The following PDK3 variants were observed in gnomAD, a reference collection of about 807,000 sequenced individuals.
The protein encoded by PDK3 is pyruvate dehydrogenase kinase, isozyme 3.
In PDK3, 12 loss-of-function variants were observed where a neutral mutation model predicts 32.0. That is an observed-to-expected ratio of 0.37 (90% CI 0.24 to 0.61). The LOEUF (loss-of-function observed/expected upper bound fraction) is 0.61. Ranked by LOEUF, PDK3 falls within the 20% of genes least tolerant of loss-of-function variation. The probability of loss-of-function intolerance (pLI) is 0.65; values close to 1 mark genes in which losing one functional copy is unlikely to be tolerated. For missense variants in PDK3, 188 were observed against 316.9 expected (o/e 0.59, Z 3.09); for synonymous variants, 122 against 116.3 (o/e 1.05, Z -0.31).
chrX:24,522,191 C>T (rs1922414569), intron 6 of PDK3, among the ~76,000 whole-genome samples: 1 of 111,765 alleles, frequency 8.9e-6, no homozygotes, highest in Non-Finnish European at 1.9e-5. Context: ...AAACCTAGGC[C>T]ATTTTTAAAT....
chrX:24,507,786 A>T (rs1309757736), intron 5 of PDK3, among the ~76,000 whole-genome samples: 1 of 110,945 alleles, frequency 9.0e-6, no homozygotes, highest in African/African-American at 3.3e-5. Flanking sequence ...TTTAGGTGTG[A>T]TATTGGTATC....
intron 5 of PDK3, among the ~76,000 whole-genome samples, chrX:24,506,185 A>G (rs1921975197): frequency 1.8e-5 from 2 of 111,892 alleles, no homozygotes; most frequent in Non-Finnish European, 3.8e-5. Context: ...AGCTTAGCCT[A>G]GGATTGTCTG....
intron 2 of PDK3, among the ~76,000 whole-genome samples, chrX:24,496,771 C>CTT (rs376346872): frequency 0.024 from 866 of 35,419 alleles, 217 homozygotes; most frequent in African/African-American, 0.12. Context: ...TCAAAATAAT[C>CTT]TTTTTTTTTT....
chrX:24,518,035 G>T (rs1481348628), intron 5 of PDK3, among the ~76,000 whole-genome samples: 2 of 112,237 alleles, frequency 1.8e-5, no homozygotes, highest in African/African-American at 6.5e-5. Context: ...TAGTCAGGTT[G>T]CATGGTGCTT....
At chrX:24,524,785 G>A (rs956522037) in intron 6 of PDK3, among the ~76,000 whole-genome samples, 2 of 111,916 alleles carry the variant, frequency 1.8e-5, no homozygotes, top group African/African-American at 6.5e-5. Flanking sequence ...GGATAAGATA[G>A]GAAAGGGGGA....
At chrX:24,484,253 A>T (rs1345998748) in intron 1 of PDK3, among the ~76,000 whole-genome samples, 1 of 110,887 alleles carries the variant, frequency 9.0e-6, no homozygotes, top group Non-Finnish European at 1.9e-5. Flanking sequence ...AGCTCAAGTG[A>T]TCCTCCCACC....
intron 5 of PDK3, among the ~76,000 whole-genome samples, chrX:24,517,997 T>C (rs1042572108): frequency 1.8e-5 from 2 of 112,491 alleles, no homozygotes; most frequent in Admixed American, 1.9e-4. Context: ...ATTTTTAAGA[T>C]CATGACAAAT....
At chrX:24,466,307 C>G (rs994394931) in intron 1 of PDK3, among the ~76,000 whole-genome samples, 11 of 112,220 alleles carry the variant, frequency 9.8e-5, no homozygotes, top group African/African-American at 3.6e-4. Flanking sequence ...TCAGGCCTAG[C>G]TGAGATGGGA....
At chrX:24,513,369 G>A (rs988851454) in intron 5 of PDK3, 1 of 111,757 alleles carries the variant, frequency 8.9e-6, no homozygotes, top group Non-Finnish European at 1.9e-5. Flanking sequence ...ATTCCAGAAG[G>A]TGGGGTGCGG....
exon 12 of PDK3, among the ~76,000 whole-genome samples, chrX:24,543,107 C>A (rs189323623): frequency 8.9e-6 from 1 of 112,192 alleles, no homozygotes; most frequent in South Asian, 3.7e-4. Context: ...TTAGTAACTT[C>A]GTTGGAGTAT....
intron 1 of PDK3, among the ~76,000 whole-genome samples, chrX:24,489,396 A>G (rs759611406): frequency 5.4e-5 from 6 of 111,826 alleles, no homozygotes; most frequent in Non-Finnish European, 3.8e-5. Flanking sequence ...AAAAATACGA[A>G]CTTCTGGACT....
At chrX:24,546,302 A>T (rs1395397114) in exon 12 of PDK3, 1 of 111,946 alleles carries the variant, frequency 8.9e-6, no homozygotes, top group African/African-American at 3.2e-5. Context: ...CAGTTTCCGG[A>T]TGTGTCTTTT....
At chrX:24,500,575 A>G (rs1447358660) in intron 3 of PDK3, among the ~76,000 whole-genome samples, 2 of 112,511 alleles carry the variant, frequency 1.8e-5, no homozygotes, top group African/African-American at 3.2e-5. Flanking sequence ...GACGATAGCA[A>G]TAATAGCTGA....
intron 2 of PDK3, among the ~76,000 whole-genome samples, chrX:24,496,771 CTTTTTTTTTTTT>C (rs376346872): frequency 2.8e-5 from 1 of 35,393 alleles, no homozygotes; most frequent in Non-Finnish European, 4.7e-5. Flanking sequence ...TCAAAATAAT[CTTTTTTTTTTTT>C]TTTTTTTTTT....
In PDK3 at chrX:24,482,366, G is replaced by A. The variant is rs761605489; in HGVS notation, c.107-12376G>A. Among the ~76,000 whole-genome samples the A allele has an allele frequency of 1.1e-3, 127 of 111,370 alleles. 1 individual carries two copies. Among genetic ancestry groups the A allele is most frequent in the Middle Eastern group, 4.7e-3 (1 of 215 alleles). On this transcript the variant is annotated intron_variant, in intron 1 of 10. Coordinates refer to ENST00000379162, the MANE Select transcript of PDK3 (RefSeq NM_005391.5). ...TGGGATAACAGGCACCCATCACCAC[G>A]CCTGGCTAATTTTTTGTATTTTTAG...
At chrX:24,535,561 CA>C (rs982972864), downstream of PDK3, among the ~76,000 whole-genome samples, 6 of 108,392 alleles carry the variant, frequency 5.5e-5, no homozygotes, top group African/African-American at 2.0e-4. Flanking sequence ...ATAAGTAAGC[CA>C]AAAAAGAAGG....
At chrX:24,516,340 G>A (rs1450908817) in intron 5 of PDK3, among the ~76,000 whole-genome samples, 1 of 111,426 alleles carries the variant, frequency 9.0e-6, no homozygotes, top group African/African-American at 3.3e-5. Context: ...CTACTCCTAG[G>A]TATATACCCA....
At chrX:24,474,374 A>G (rs1921052103) in intron 1 of PDK3, among the ~76,000 whole-genome samples, 1 of 103,602 alleles carries the variant, frequency 9.7e-6, no homozygotes, top group Non-Finnish European at 2.0e-5. Flanking sequence ...AGTCAGTTAT[A>G]TAAGTTTATT....
chrX:24,537,782 A>G (rs1032129904), downstream of PDK3, among the ~76,000 whole-genome samples: 9 of 112,003 alleles, frequency 8.0e-5, no homozygotes, highest in Non-Finnish European at 1.5e-4. Flanking sequence ...TATAAATGAT[A>G]TCCATATGGA....
Sources: allele counts gnomAD v4.1 joint callset (sites outside exome capture counted in the v4.1 genomes callset), GRCh38; gene constraint gnomAD v4.1.1; transcripts MANE v1.5; gene names NCBI Gene and HGNC (gene_info 2026-07-23, HGNC 2026-07-21).